RBMS1: variants seen among roughly 807,000 people sequenced by gnomAD.
The protein encoded by RBMS1 is RNA-binding motif, single-stranded-interacting protein 1.
A neutral mutation model predicts 62.3 loss-of-function variants in RBMS1; 17 were observed. The ratio of observed to expected loss-of-function variants is 0.27; its 90% CI spans 0.19 to 0.41. The LOEUF is 0.41. Among genes scored for constraint, RBMS1 ranks in the 10% least tolerant of loss-of-function variants. The pLI is 1.00. For synonymous variants in RBMS1, 172 were observed against 170.0 expected, an observed-to-expected ratio of 1.01 and a Z score of -0.09; for missense variants, 334 against 504.5, an observed-to-expected ratio of 0.66 and a Z score of 3.24.
intron 1 of RBMS1, among the ~76,000 whole-genome samples, chr2:160,451,979 C>A (rs1007257754): frequency 1.3e-5 from 2 of 152,034 alleles, no homozygotes; most frequent in Admixed American, 6.6e-5. Flanking sequence ...ATTATAAAAT[C>A]TTATATTTAG....
Position 160,398,889 on chromosome 2 carries a change from A to G in RBMS1, c.76-31498T>C, listed in dbSNP as rs185158912. Among the ~76,000 whole-genome samples the G allele has an allele frequency of 1.4e-4, 22 of 152,234 alleles. No homozygotes were observed. The East Asian group carries it at 3.1e-3, about 21-fold the overall frequency. ...AAATCTTGTCAATTCTTTCTACACA[A>G]TATCTTGAATCCATTCTATTTAATA... On this transcript the variant is annotated intron_variant, in intron 1 of 13. Coordinates refer to ENST00000348849, the MANE Select transcript of RBMS1 (RefSeq NM_016836.4).
intron 9 of RBMS1, 56 bp from the exon 10 acceptor site, chr2:160,281,420 T>C: frequency 7.3e-7 from 1 of 1,367,452 alleles, no homozygotes. Context: ...AGCTTACCTA[T>C]TTCTTTAGAA....
intron 6 of RBMS1, among the ~76,000 whole-genome samples, chr2:160,288,874 C>T (rs1419104133): frequency 6.6e-6 from 1 of 151,958 alleles, no homozygotes; most frequent in Admixed American, 6.6e-5. Context: ...CAAGTGATCC[C>T]AACTGGCCGT....
chr2:160,391,077 G>A (rs1694844026), intron 1 of RBMS1, among the ~76,000 whole-genome samples: 1 of 151,364 alleles, frequency 6.6e-6, no homozygotes, highest in Non-Finnish European at 1.5e-5. Flanking sequence ...ACATTGTTAT[G>A]GGGTGAATTG....
At chr2:160,448,644 C>T (rs922370475) in intron 1 of RBMS1, among the ~76,000 whole-genome samples, 39 of 152,330 alleles carry the variant, frequency 2.6e-4, no homozygotes, top group African/African-American at 8.9e-4. Context: ...CGGCTCGCTA[C>T]GACCTCCACC....
intron 1 of RBMS1, among the ~76,000 whole-genome samples, chr2:160,484,930 GAAGA>G (rs1685536551): frequency 6.6e-6 from 1 of 152,010 alleles, no homozygotes; most frequent in Non-Finnish European, 1.5e-5. Context: ...AAGAGAATTG[GAAGA>G]GATAGACAGA....
At chr2:160,337,332 C>A (rs1691635844) in intron 2 of RBMS1, among the ~76,000 whole-genome samples, 1 of 151,922 alleles carries the variant, frequency 6.6e-6, no homozygotes. Context: ...CGGGGTTTCA[C>A]CATGTTGGCC....
At chr2:160,342,590 TG>T (rs1691931798) in intron 2 of RBMS1, among the ~76,000 whole-genome samples, 1 of 151,864 alleles carries the variant, frequency 6.6e-6, no homozygotes, top group East Asian at 1.9e-4. Context: ...CCATTACCAG[TG>T]AAACTTAGGG....
chr2:160,388,313 T>C (rs892071794), intron 1 of RBMS1, among the ~76,000 whole-genome samples: 1 of 152,160 alleles, frequency 6.6e-6, no homozygotes, highest in Non-Finnish European at 1.5e-5. Context: ...AGATTCCAGG[T>C]AACCCAGATA....
intron 1 of RBMS1, among the ~76,000 whole-genome samples, chr2:160,374,931 G>C (rs760619478): frequency 6.6e-6 from 1 of 151,796 alleles, no homozygotes; most frequent in Non-Finnish European, 1.5e-5. Flanking sequence ...ACTACATCTC[G>C]GGCGGGGGAC....
intron 1 of RBMS1, among the ~76,000 whole-genome samples, chr2:160,422,620 C>G (rs1390020823): frequency 6.6e-6 from 1 of 151,650 alleles, no homozygotes; most frequent in African/African-American, 2.4e-5. Flanking sequence ...CCAGCACCCA[C>G]CCCTCACAGC....
chr2:160,461,066 C>A (rs1487079391), intron 1 of RBMS1, among the ~76,000 whole-genome samples: 1 of 152,176 alleles, frequency 6.6e-6, no homozygotes, highest in East Asian at 1.9e-4. Flanking sequence ...TGAGACCAGT[C>A]TGGGCACACA....
intron 2 of RBMS1, among the ~76,000 whole-genome samples, chr2:160,325,513 C>T (rs1488648203): frequency 6.6e-6 from 1 of 152,194 alleles, no homozygotes; most frequent in African/African-American, 2.4e-5. Flanking sequence ...AATACACGTC[C>T]TCACACATGT....
In RBMS1 at chr2:160,493,444, C is replaced by CCGGCGGCGGCGG. The variant is rs1169274651; in HGVS notation, c.-93_-82dup. On this transcript the variant is annotated 5_prime_UTR_variant, in exon 1 of 14. Coordinates refer to ENST00000348849, the MANE Select transcript of RBMS1 (RefSeq NM_016836.4). ...CTCGGGCTCTCCTGCCTCTCCCTTT[C>CCGGCGGCGGCGG]CGGCGGCGGCGGCAGCGGCGGCGGC... 8 of 1,410,560 alleles carry CCGGCGGCGGCGG rather than the reference C, an allele frequency of 5.7e-6. No homozygotes were observed. In the African/African-American group the frequency reaches 1.0e-4, roughly 18 times the overall value. The allele number at this position is 1,410,560 out of a possible 1,614,324, so 87.4% of individuals were successfully genotyped here.
intron 6 of RBMS1, 133 bp downstream of exon 6, chr2:160,300,518 T>A: frequency 7.9e-7 from 1 of 1,271,422 alleles, no homozygotes; most frequent in African/African-American, 1.5e-5. Flanking sequence ...TTAAGTCTTA[T>A]TTCTAAATCC....
intron 1 of RBMS1, among the ~76,000 whole-genome samples, chr2:160,431,476 G>A (rs1056383496): frequency 6.6e-6 from 1 of 152,074 alleles, no homozygotes. Flanking sequence ...TGGAAGCCAG[G>A]AATCTACTGG....
At chr2:160,340,952 AAGT>A (rs945680690) in intron 2 of RBMS1, among the ~76,000 whole-genome samples, 8 of 152,178 alleles carry the variant, frequency 5.3e-5, no homozygotes, top group African/African-American at 1.9e-4. Context: ...TCTGGTGACT[AAGT>A]ACATTTTCAC....
In RBMS1 at chr2:160,404,652, TGA is replaced by T. The variant is rs555946864; in HGVS notation, c.76-37263_76-37262del. Among the ~76,000 whole-genome samples, 353 of 152,344 alleles carry T rather than the reference TGA, an allele frequency of 2.3e-3. 5 individuals are homozygous for T. Among genetic ancestry groups the T allele is most frequent in the African/African-American group, 8.0e-3 (333 of 41,568 alleles). On this transcript the variant is annotated intron_variant, in intron 1 of 13. Transcript: ENST00000348849. ...CCTGGAACCAATCTTCCTCGGATGC[TGA>T]GAGATGACTGTATATGTAAAATGTA...
At chr2:160,389,128 C>T (rs183417917) in intron 1 of RBMS1, among the ~76,000 whole-genome samples, 6 of 152,324 alleles carry the variant, frequency 3.9e-5, no homozygotes, top group Admixed American at 2.0e-4. Flanking sequence ...CTGTCACACA[C>T]TGACAATTCT....
Sources: gnomAD v4.1 joint callset for allele counts (sites outside exome capture counted in the v4.1 genomes callset) on GRCh38, gnomAD v4.1.1 for gene constraint, MANE v1.5 for transcripts, NCBI Gene and HGNC (gene_info 2026-07-23, HGNC 2026-07-21) for gene names.